Variants in RAD51 observed in about 807,000 individuals in gnomAD.
The protein encoded by RAD51 is DNA repair protein RAD51 homolog 1.
RAD51 carries 14 observed loss-of-function variants against 41.5 expected under a neutral mutation model. That is an observed-to-expected ratio of 0.34 (90% CI 0.22 to 0.53). The LOEUF (loss-of-function observed/expected upper bound fraction) is 0.53. Among genes scored for constraint, RAD51 ranks in the 20% least tolerant of loss-of-function variants. RAD51 has a pLI of 0.95. For missense variants in RAD51, 234 were observed against 422.0 expected (o/e 0.55, Z 3.90); for synonymous variants, 136 against 148.6 (o/e 0.92, Z 0.62).
chr15:40,707,951 C>A (rs1895457845), intron 4 of RAD51, among the ~76,000 whole-genome samples: 1 of 151,074 alleles, frequency 6.6e-6, no homozygotes, highest in Admixed American at 6.6e-5. Context: ...GTCCTGACCT[C>A]CTGATCCATC....
intron 6 of RAD51, among the ~76,000 whole-genome samples, chr15:40,721,532 G>A (rs1182556174): frequency 6.6e-6 from 1 of 151,898 alleles, no homozygotes; most frequent in African/African-American, 2.4e-5. Context: ...ACAAATACAC[G>A]TGGTCTCGCT....
At chr15:40,708,615 A>G (rs1385968667) in intron 4 of RAD51, among the ~76,000 whole-genome samples, 1 of 151,860 alleles carries the variant, frequency 6.6e-6, no homozygotes, top group Non-Finnish European at 1.5e-5. Flanking sequence ...ACAGGGTCTC[A>G]CTGTGTCACC....
chr15:40,721,574 C>T (rs2141863469), intron 6 of RAD51, among the ~76,000 whole-genome samples: 1 of 152,160 alleles, frequency 6.6e-6, no homozygotes, highest in South Asian at 2.1e-4. Context: ...AACTCCTGGC[C>T]TCAGGTGATC....
intron 4 of RAD51, 80 bp downstream of exon 4, chr15:40,706,374 G>T: frequency 8.7e-7 from 1 of 1,154,612 alleles, no homozygotes; most frequent in South Asian, 1.2e-5. Flanking sequence ...AAATATTTGT[G>T]TAGCATTTCC....
Position 40,728,699 on chromosome 15 carries a change from CCT to C in RAD51, c.531-6_531-5del. 1 of 1,609,392 alleles carries C rather than the reference CCT, an allele frequency of 6.2e-7. No homozygotes were observed. The highest frequency in any genetic ancestry group is 1.1e-5 in the South Asian group (1 of 91,000). On this transcript the variant is annotated splice_polypyrimidine_tract_variant and intron_variant, in intron 6 of 9. Coordinates refer to ENST00000267868, the MANE Select transcript of RAD51 (RefSeq NM_002875.5). Reference sequence around the variant, plus strand: ...TGTGTGCAGCCTAAAAATGTTCTCTCCTCTCTCATAGGTATGGTCTCTCTGGC... The same window carrying C: ...TGTGTGCAGCCTAAAAATGTTCTCTCCTCTCATAGGTATGGTCTCTCTGGC...
intron 6 of RAD51, 115 bp from the exon 7 acceptor site, chr15:40,728,596 C>T (rs1015858521): frequency 1.2e-6 from 1 of 868,640 alleles, no homozygotes; most frequent in African/African-American, 1.6e-5. Flanking sequence ...GGTCCTGAAA[C>T]TACTGTCAGT....
rs1367039588 is a variant in RAD51 at position 40,706,195 on chromosome 15, G to A, written c.244G>A (p.Val82Ile). Residue 82 changes from valine (V) to isoleucine (I), a missense_variant, in exon 4 of 10, where the codon GTT (valine) becomes ATT (isoleucine). Physicochemically the swap from Val to Ile is conservative, Grantham distance 29 (BLOSUM62 3). Around this residue, in one of 2 missense-constraint regions of RAD51, gnomAD observed 100 missense variants for 135.5 expected, o/e 0.74. Transcript: ENST00000267868. ...DKILAEAAKL[V>I]PMGFTTATEF... ...TTCCCAGGCTGAGGCAGCTAAATTA[G>A]TTCCAATGGGTTTCACCACTGCAAC... 2.5e-6 allele frequency: 4 copies of A among 1,613,714 alleles called. No individual in the cohort carries two copies. In the African/African-American group the frequency reaches 5.3e-5, roughly 22 times the overall value.
At chr15:40,727,979 C>G (rs543176252) in intron 6 of RAD51, among the ~76,000 whole-genome samples, 1 of 151,818 alleles carries the variant, frequency 6.6e-6, no homozygotes, top group South Asian at 2.1e-4. Context: ...TCTGCCTCAG[C>G]CTCCCAAGTA....
At chr15:40,703,555 A>T (rs939917418) in intron 3 of RAD51, among the ~76,000 whole-genome samples, 2 of 151,990 alleles carry the variant, frequency 1.3e-5, no homozygotes, top group African/African-American at 4.8e-5. Flanking sequence ...GAGTTTTGGT[A>T]GTTTATCTTT....
intron 1 of RAD51, among the ~76,000 whole-genome samples, chr15:40,696,554 G>C (rs903379454): frequency 5.9e-5 from 9 of 152,186 alleles, no homozygotes; most frequent in Non-Finnish European, 1.2e-4. Flanking sequence ...GGGCGATAGA[G>C]CAAGACAAAA....
chr15:40,697,055 T>C (rs1382377770), intron 1 of RAD51, among the ~76,000 whole-genome samples: 1 of 152,198 alleles, frequency 6.6e-6, no homozygotes, highest in African/African-American at 2.4e-5. Context: ...GTGGTGTCCT[T>C]TGATGAATAG....
chr15:40,698,850 G>A lies in RAD51; in HGVS notation c.87+5G>A. ...CAACCCATTTCACGGTTAGAGGTAT[G>A]TGGTTAGTTGCTAATTTTGGAATTA... On this transcript the variant is annotated splice_donor_5th_base_variant and intron_variant, in intron 2 of 9. Transcript: ENST00000267868. 6.2e-7 allele frequency: 1 copy of A among 1,612,946 alleles called. No homozygotes were observed.
At chr15:40,698,948 AG>A in intron 2 of RAD51, 103 bp downstream of exon 2, 1 of 1,176,686 alleles carries the variant, frequency 8.5e-7, no homozygotes, top group East Asian at 2.4e-5. Context: ...ACCAAGGTCA[AG>A]ACCCAAATTA....
intron 6 of RAD51, among the ~76,000 whole-genome samples, chr15:40,720,876 C>T (rs571130853): frequency 1.3e-3 from 195 of 152,246 alleles, no homozygotes; most frequent in African/African-American, 4.6e-3. Flanking sequence ...TGGGAAAACT[C>T]AAGATTACTA....
chr15:40,719,540 G>A (rs12148915), intron 6 of RAD51, among the ~76,000 whole-genome samples: 97,829 of 152,116 alleles, frequency 0.64, 32,078 homozygotes, highest in East Asian at 0.93. Flanking sequence ...ACACTTTAAG[G>A]CAGACACATT....
intron 2 of RAD51, among the ~76,000 whole-genome samples, chr15:40,699,242 C>T (rs1449760968): frequency 6.6e-6 from 1 of 152,184 alleles, no homozygotes; most frequent in African/African-American, 2.4e-5. Flanking sequence ...GTCCCAGGTT[C>T]AAGCGATTCT....
At chr15:40,706,424 C>A in intron 4 of RAD51, 130 bp downstream of exon 4, 1 of 830,460 alleles carries the variant, frequency 1.2e-6, no homozygotes, top group Non-Finnish European at 2.0e-6. Flanking sequence ...AGGCCAGGTG[C>A]AGTGGCTTAT....
intron 6 of RAD51, among the ~76,000 whole-genome samples, chr15:40,727,711 A>C (rs1567054082): frequency 6.6e-6 from 1 of 152,036 alleles, no homozygotes; most frequent in Non-Finnish European, 1.5e-5. Flanking sequence ...TCATGATCTA[A>C]ATAGAGAAAA....
chr15:40,710,077 C>A (rs948405863), intron 5 of RAD51, among the ~76,000 whole-genome samples: 1 of 151,736 alleles, frequency 6.6e-6, no homozygotes, highest in Admixed American at 6.6e-5. Flanking sequence ...CCCATCTCTA[C>A]TAAAAATACA....
Sources: allele counts gnomAD v4.1 joint callset (sites outside exome capture counted in the v4.1 genomes callset), GRCh38; gene constraint gnomAD v4.1.1; regional missense constraint gnomAD v4.1.1; transcripts MANE v1.5; gene names NCBI Gene and HGNC (gene_info 2026-07-23, HGNC 2026-07-21).